CAMKMT: variants seen among roughly 807,000 people sequenced by gnomAD.
CAMKMT encodes CaM KMT.
In CAMKMT, 53 loss-of-function variants were observed where a neutral mutation model predicts 48.0. That is an observed-to-expected ratio of 1.10 (90% confidence interval 0.89 to 1.39). CAMKMT has a LOEUF of 1.39. Ranked by LOEUF, CAMKMT falls within the 40% of genes most tolerant of loss-of-function variation. The pLI is 0.00. For synonymous variants in CAMKMT, 165 were observed against 152.3 expected (o/e 1.08, Z -0.61); for missense variants, 428 against 402.7 (o/e 1.06, Z -0.54).
At chr2:44,648,758 T>C (rs17318284) in intron 3 of CAMKMT, among the ~76,000 whole-genome samples, 61,741 of 152,020 alleles carry the variant, frequency 0.41, 14,590 homozygotes, top group Middle Eastern at 0.54. Context: ...AGCAGTGATA[T>C]CTTCAAGGTG....
At chr2:44,468,332 A>G (rs1668237411) in intron 3 of CAMKMT, among the ~76,000 whole-genome samples, 1 of 152,202 alleles carries the variant, frequency 6.6e-6, no homozygotes, top group Non-Finnish European at 1.5e-5. Flanking sequence ...AATGGCTGTC[A>G]ACGAAAAGAC....
intron 9 of CAMKMT, among the ~76,000 whole-genome samples, chr2:44,757,910 G>A (rs1485133713): frequency 6.6e-6 from 1 of 152,130 alleles, no homozygotes; most frequent in Non-Finnish European, 1.5e-5. Context: ...CTGGAGAAAT[G>A]CTGGTGGGAG....
chr2:44,715,209 AAAAG>A, intron 6 of CAMKMT, 74 bp from the exon 7 acceptor site: 1 of 948,386 alleles, frequency 1.1e-6, no homozygotes, highest in Non-Finnish European at 1.6e-6. Flanking sequence ...AAAAAAAAAA[AAAAG>A]ATAACTGTTT....
chr2:44,638,028 C>G (rs1050793004), intron 3 of CAMKMT, among the ~76,000 whole-genome samples: 2 of 145,938 alleles, frequency 1.4e-5, no homozygotes, highest in African/African-American at 2.5e-5. Flanking sequence ...TCATGCCAGC[C>G]TGGGCGACCG....
chr2:44,509,233 C>T (rs1182841229), intron 3 of CAMKMT, among the ~76,000 whole-genome samples: 1 of 152,142 alleles, frequency 6.6e-6, no homozygotes, highest in Non-Finnish European at 1.5e-5. Flanking sequence ...GGAACTGTCT[C>T]CAATAGCCTA....
intron 3 of CAMKMT, among the ~76,000 whole-genome samples, chr2:44,530,117 A>G (rs1456716125): frequency 6.6e-6 from 1 of 152,214 alleles, no homozygotes; most frequent in East Asian, 1.9e-4. Flanking sequence ...TCAATGTCAT[A>G]GTATTACACC....
At chr2:44,762,966 G>A (rs980861244) in intron 9 of CAMKMT, among the ~76,000 whole-genome samples, 1 of 152,174 alleles carries the variant, frequency 6.6e-6, no homozygotes, top group African/African-American at 2.4e-5. Context: ...AAAGTGATGG[G>A]CTAATTTGAA....
chr2:44,650,356 T>C (rs945237787), intron 3 of CAMKMT, among the ~76,000 whole-genome samples: 1 of 152,208 alleles, frequency 6.6e-6, no homozygotes, highest in African/African-American at 2.4e-5. Context: ...TGTACTCCAG[T>C]GTCACCTCAT....
At chr2:44,435,099 T>A (rs1666143610) in intron 3 of CAMKMT, among the ~76,000 whole-genome samples, 1 of 152,186 alleles carries the variant, frequency 6.6e-6, no homozygotes, top group Non-Finnish European at 1.5e-5. Context: ...CATTGGTTTA[T>A]TATTTTGCAT....
At chr2:44,391,380 T>A (rs555870058) in intron 3 of CAMKMT, among the ~76,000 whole-genome samples, 4 of 152,278 alleles carry the variant, frequency 2.6e-5, no homozygotes, top group South Asian at 4.1e-4. Flanking sequence ...TCTTTTTTTT[T>A]AAATTTTCCA....
chr2:44,456,681 C>G (rs1204580115), intron 3 of CAMKMT: 3 of 1,418,248 alleles, frequency 2.1e-6, no homozygotes, highest in East Asian at 2.5e-5. Flanking sequence ...ATGTTTTGGC[C>G]AAGGCATCCT....
chr2:44,389,427 A>G (rs1287256449), intron 2 of CAMKMT, among the ~76,000 whole-genome samples: 2 of 152,330 alleles, frequency 1.3e-5, no homozygotes, highest in East Asian at 3.9e-4. Context: ...GTTTTAAATG[A>G]CAAAGTGAAT....
At chr2:44,668,543 CTT>C (rs1675140318) in intron 3 of CAMKMT, among the ~76,000 whole-genome samples, 1 of 152,202 alleles carries the variant, frequency 6.6e-6, no homozygotes, top group East Asian at 1.9e-4. Context: ...TTTCTCTGCT[CTT>C]TTTCATAGCA....
intron 3 of CAMKMT, among the ~76,000 whole-genome samples, chr2:44,642,507 G>A (rs1369843413): frequency 6.6e-6 from 1 of 152,166 alleles, no homozygotes; most frequent in Non-Finnish European, 1.5e-5. Flanking sequence ...TTTAGGGAGT[G>A]AACATGGTCC....
intron 9 of CAMKMT, among the ~76,000 whole-genome samples, chr2:44,761,116 T>A (rs574135458): frequency 6.6e-5 from 10 of 151,970 alleles, no homozygotes; most frequent in Admixed American, 2.6e-4. Flanking sequence ...GGTGGCCAAC[T>A]GGGGAGGAGG....
chr2:44,683,215 CA>C lies in CAMKMT; in HGVS notation c.377-21058del, dbSNP rs11451906. Among the ~76,000 whole-genome samples the C allele has an allele frequency of 2.0e-3, 295 of 149,342 alleles. 1 individual carries two copies. The highest frequency in any genetic ancestry group is 1.8e-3 in the Non-Finnish European group (120 of 67,182). ...AAACTGTTTATTGAGAAATAGAAAC[CA>C]AAAAAAAAATGATTTAATTGCTAAG... On this transcript the variant is annotated intron_variant, in intron 3 of 10. Transcript: ENST00000378494.
chr2:44,503,036 A>G (rs1452057467), intron 3 of CAMKMT, among the ~76,000 whole-genome samples: 7 of 152,152 alleles, frequency 4.6e-5, no homozygotes, highest in Non-Finnish European at 1.0e-4. Context: ...TTGGCTATGA[A>G]GAGGGCATTT....
In CAMKMT at chr2:44,770,094, C is replaced by T. The variant is rs76331519; in HGVS notation, c.895-1942C>T. Among the ~76,000 whole-genome samples, 72 of 152,248 alleles carry T rather than the reference C, an allele frequency of 4.7e-4. 1 individual carries two copies. The East Asian group carries it at 0.013, about 28-fold the overall frequency. ...TTTCAAGGTGCCTTTTGATATTTGT[C>T]AAAATTGTAATTATTAATTGGGCAA... On this transcript the variant is annotated intron_variant, in intron 10 of 10. Coordinates refer to ENST00000378494, the MANE Select transcript of CAMKMT (RefSeq NM_024766.5).
Position 44,657,568 on chromosome 2 carries a change from T to C in CAMKMT, c.377-46715T>C, listed in dbSNP as rs963325548. 6.6e-5 allele frequency among the ~76,000 whole-genome samples: 10 copies of C among 152,226 alleles called. No homozygotes were observed. Among genetic ancestry groups the C allele is most frequent in the African/African-American group, 2.2e-4 (9 of 41,456 alleles). On this transcript the variant is annotated intron_variant, in intron 3 of 10. Transcript: ENST00000378494. The surrounding 1 kb of genome is among the most constrained non-coding windows in gnomAD (Gnocchi z 4.3). ...CTAAGTCTTCAAGTTCATGAATAGA[T>C]GGACATAGAACTTTTTTCGGAACAA...
Sources: gnomAD v4.1 joint callset for allele counts (sites outside exome capture counted in the v4.1 genomes callset) on GRCh38, gnomAD v4.1.1 for gene constraint, Gnocchi (gnomAD v3.1) non-coding constraint, MANE v1.5 for transcripts, NCBI Gene and HGNC (gene_info 2026-07-23, HGNC 2026-07-21) for gene names.